The following NELL1 variants were observed in gnomAD, a reference collection of about 807,000 sequenced individuals.
NELL1 encodes neural EGFL like 1.
A neutral mutation model predicts 107.4 loss-of-function variants in NELL1; 76 were observed. That is an observed-to-expected ratio of 0.71 (90% CI 0.59 to 0.86). The LOEUF (loss-of-function observed/expected upper bound fraction) is 0.86. NELL1 is among the 40% of genes least tolerant of loss of function. NELL1 has a pLI of 0.00. For synonymous variants in NELL1, 353 were observed against 341.2 expected, an observed-to-expected ratio of 1.03 and a Z score of -0.38; for missense variants, 1,024 against 1,005.5, an observed-to-expected ratio of 1.02 and a Z score of -0.25.
chr11:20,982,691 C>T (rs937650244), intron 12 of NELL1, among the ~76,000 whole-genome samples: 1 of 151,918 alleles, frequency 6.6e-6, no homozygotes, highest in Non-Finnish European at 1.5e-5. Context: ...AAATGTAGAA[C>T]CGTAAGCAAA....
intron 14 of NELL1, among the ~76,000 whole-genome samples, chr11:21,327,051 G>T (rs1268719722): frequency 6.6e-6 from 1 of 151,782 alleles, no homozygotes; most frequent in African/African-American, 2.4e-5. Context: ...CTTGAATGTG[G>T]TTCCCATAAT....
At chr11:21,457,842 G>C (rs1394010777) in intron 15 of NELL1, among the ~76,000 whole-genome samples, 2 of 152,134 alleles carry the variant, frequency 1.3e-5, no homozygotes, top group African/African-American at 4.8e-5. Flanking sequence ...AAAGAAAATT[G>C]TCATAGGAGC....
intron 15 of NELL1, among the ~76,000 whole-genome samples, chr11:21,390,694 G>T (rs76353454): frequency 1.3e-5 from 2 of 151,738 alleles, no homozygotes; most frequent in African/African-American, 4.8e-5. Flanking sequence ...GCTTTCTCTG[G>T]ATTTAATGAT....
intron 4 of NELL1, among the ~76,000 whole-genome samples, chr11:20,873,414 C>T (rs1466008034): frequency 6.6e-6 from 1 of 152,110 alleles, no homozygotes; most frequent in Non-Finnish European, 1.5e-5. Flanking sequence ...GGTATTTTGT[C>T]TGAAAATATT....
In NELL1 at chr11:21,448,355, T is replaced by G. The variant is rs117753378; in HGVS notation, c.1645+77407T>G. Reference sequence around the variant, plus strand: ...CTGCTGATTGCTTTTCCTCATATTTTCTTTGTGTTTTCTTCACATTTTGTT... The same window carrying G: ...CTGCTGATTGCTTTTCCTCATATTTGCTTTGTGTTTTCTTCACATTTTGTT... On this transcript the variant is annotated intron_variant, in intron 15 of 19. Transcript: ENST00000357134. Among the ~76,000 whole-genome samples the G allele has an allele frequency of 2.0e-5, 3 of 152,342 alleles. No homozygotes were observed. In the East Asian group the frequency reaches 5.8e-4, roughly 29 times the overall value.
At chr11:21,053,922 T>C (rs997542142) in intron 12 of NELL1, among the ~76,000 whole-genome samples, 1 of 152,128 alleles carries the variant, frequency 6.6e-6, no homozygotes, top group African/African-American at 2.4e-5. Flanking sequence ...ATCTAAACAA[T>C]AAGAATAACA....
At chr11:20,701,940 C>T (rs921479679) in intron 2 of NELL1, among the ~76,000 whole-genome samples, 1 of 152,164 alleles carries the variant, frequency 6.6e-6, no homozygotes, top group Non-Finnish European at 1.5e-5. Flanking sequence ...AGTAAGGTAG[C>T]ATGATGCCTC....
chr11:21,490,278 G>A (rs1338732882), intron 15 of NELL1, among the ~76,000 whole-genome samples: 1 of 151,872 alleles, frequency 6.6e-6, no homozygotes, highest in Non-Finnish European at 1.5e-5. Flanking sequence ...ACTGATGAAA[G>A]AAATTGAAGA....
At chr11:20,724,705 TC>T (rs925298201) in intron 2 of NELL1, among the ~76,000 whole-genome samples, 39 of 152,310 alleles carry the variant, frequency 2.6e-4, no homozygotes, top group African/African-American at 9.1e-4. Flanking sequence ...CTTCTTTTTT[TC>T]TTCTGAGCCC....
chr11:21,030,873 A>G (rs559840459), intron 12 of NELL1, among the ~76,000 whole-genome samples: 6 of 152,102 alleles, frequency 3.9e-5, no homozygotes, highest in African/African-American at 1.2e-4. Flanking sequence ...CATGTATTCT[A>G]TTATCATTCT....
intron 15 of NELL1, among the ~76,000 whole-genome samples, chr11:21,455,320 C>CTTTTTTTTTTTTTTTTTTT (rs34607165): frequency 1.0e-4 from 8 of 77,214 alleles, no homozygotes; most frequent in African/African-American, 1.7e-4. Context: ...TTCTTTTATT[C>CTTTTTTTTTTTTTTTTTTT]TTTTTTTTTT....
At chr11:21,573,489 T>G in intron 19 of NELL1, 80 bp downstream of exon 19, 1 of 1,205,278 alleles carries the variant, frequency 8.3e-7, no homozygotes, top group Non-Finnish European at 1.2e-6. Context: ...CTGATGTTTC[T>G]GAATACACAG....
At chr11:21,109,487 C>A (rs1751442631) in intron 12 of NELL1, among the ~76,000 whole-genome samples, 1 of 152,102 alleles carries the variant, frequency 6.6e-6, no homozygotes, top group African/African-American at 2.4e-5. Context: ...CTCTTCTTGT[C>A]TCCTGGCTTC....
rs146172496 is a variant in NELL1, at chr11:20,972,515, T to C, written c.1300+11955T>C. Among the ~76,000 whole-genome samples the C allele has an allele frequency of 4.0e-3, 615 of 152,168 alleles. 16 individuals carry two copies. Among genetic ancestry groups the C allele is most frequent in the Admixed American group, 0.032 (486 of 15,278 alleles). ...GTATAGGAAATTCACACTGAGACCG[T>C]AGCATGAGATAGAATTAGAAACTAG... is the stretch of plus-strand genomic sequence containing the variant. On this transcript the variant is annotated intron_variant, in intron 12 of 19. Coordinates refer to ENST00000357134, the MANE Select transcript of NELL1 (RefSeq NM_006157.5).
intron 13 of NELL1, among the ~76,000 whole-genome samples, chr11:21,134,989 G>A (rs1344926083): frequency 6.6e-6 from 1 of 152,160 alleles, no homozygotes; most frequent in East Asian, 1.9e-4. Flanking sequence ...AAGACCGAAT[G>A]CCTAGCATAT....
chr11:20,905,660 G>A (rs997423485), intron 5 of NELL1, among the ~76,000 whole-genome samples: 9 of 152,124 alleles, frequency 5.9e-5, no homozygotes, highest in Non-Finnish European at 1.0e-4. Context: ...CTAGAGGGAT[G>A]CAAGAGAAGA....
At chr11:21,337,485 C>G (rs747302707) in intron 14 of NELL1, among the ~76,000 whole-genome samples, 2 of 152,204 alleles carry the variant, frequency 1.3e-5, no homozygotes, top group Non-Finnish European at 2.9e-5. Flanking sequence ...CTTCCAAGAT[C>G]ACTGCAACAA....
chr11:21,312,292 C>T (rs887843854), intron 14 of NELL1, among the ~76,000 whole-genome samples: 2 of 151,780 alleles, frequency 1.3e-5, no homozygotes, highest in Non-Finnish European at 2.9e-5. Context: ...CTACTCTTAG[C>T]AACTACCCGG....
At chr11:20,959,763 T>C (rs1471002498) in intron 11 of NELL1, among the ~76,000 whole-genome samples, 2 of 152,198 alleles carry the variant, frequency 1.3e-5, no homozygotes, top group East Asian at 3.9e-4. Context: ...AAATCACCGC[T>C]AAAGAACTTA....
Sources: gnomAD v4.1 joint callset for allele counts (sites outside exome capture counted in the v4.1 genomes callset) on GRCh38, gnomAD v4.1.1 for gene constraint, MANE v1.5 for transcripts, NCBI Gene and HGNC (gene_info 2026-07-23, HGNC 2026-07-21) for gene names.